Variants in URB2 observed in about 807,000 individuals in gnomAD.
URB2 encodes URB2 ribosome biogenesis homolog, also known as unhealthy ribosome biogenesis protein 2 homolog.
URB2 carries 86 observed loss-of-function variants against 120.9 expected under a neutral mutation model. The ratio of observed to expected loss-of-function variants is 0.71; its 90% CI spans 0.60 to 0.85. The LOEUF (loss-of-function observed/expected upper bound fraction) is 0.85, where lower values mean the gene tolerates loss of function less well. Ranked by LOEUF, URB2 falls within the 40% of genes least tolerant of loss-of-function variation. The pLI is 0.00. For missense variants in URB2, 1,765 were observed against 1,836.5 expected (o/e 0.96, Z 0.71); for synonymous variants, 755 against 758.4 (o/e 1.00, Z 0.07).
rs116255315 is a variant in URB2, at chr1:229,649,486, G to A, written c.4149+1734G>A. The stretch of plus-strand genomic sequence containing the variant: ...GCTTGATTCTTCTGCAAAACCATTA[G>A]CAAATGACCATTTAGTGGAATTAGA... On this transcript the variant is annotated intron_variant, in intron 7 of 9. Transcript: ENST00000258243. Among the ~76,000 whole-genome samples the A allele has an allele frequency of 3.8e-3, 575 of 152,290 alleles. 4 individuals are homozygous for A. Among genetic ancestry groups the A allele is most frequent in the African/African-American group, 0.013 (556 of 41,568 alleles).
chr1:229,626,272 A>C lies in URB2; in HGVS notation c.-98A>C, dbSNP rs999799177. The C allele has an allele frequency of 6.6e-6, 1 of 152,322 alleles. No homozygotes were observed. Among genetic ancestry groups the C allele is most frequent in the Non-Finnish European group, 1.5e-5 (1 of 68,692 alleles). 9.4% of individuals were successfully genotyped at this position (152,322 alleles called of 1,614,324 possible). A position where few individuals can be genotyped will look rare whatever the true frequency, so the allele number is the denominator to read the frequency against. ...GTACAGCGGCCTCCGCCGCACCGGG[A>C]CAGCAGCCGCCGCCGCTGCCGCCGT... On this transcript the variant is annotated 5_prime_UTR_variant, in exon 1 of 10. Transcript: ENST00000258243.
In URB2 at chr1:229,636,756, T is replaced by A; in HGVS notation, c.2143T>A (p.Leu715Met). Residue 715 changes from leucine (L) to methionine (M), a missense_variant, in exon 4 of 10, where the codon TTG becomes ATG. Coordinates refer to ENST00000258243, the MANE Select transcript of URB2 (RefSeq NM_014777.4). ...AFIIGSGRKS[L>M]NQRTTASWDG... ...TATTATTGGTTCCGGCAGAAAAAGC[T>A]TGAATCAGAGAACGACGGCTTCCTG... 1 of 1,612,530 alleles carries A rather than the reference T, an allele frequency of 6.2e-7. No homozygotes were observed. The highest frequency in any genetic ancestry group is 8.5e-7 in the Non-Finnish European group (1 of 1,178,906).
At chr1:229,627,478 C>A in intron 1 of URB2, 143 bp from the exon 2 acceptor site, 1 of 782,390 alleles carries the variant, frequency 1.3e-6, no homozygotes, top group Non-Finnish European at 1.8e-6. Context: ...TTTACCCCGA[C>A]AAATCTGTTG....
rs771749464 is a variant in URB2 at position 229,635,262 on chromosome 1, T to G, written c.649T>G (p.Trp217Gly). Residue 217 changes from tryptophan (W) to glycine (G), a missense_variant, in exon 4 of 10, where the codon TGG becomes GGG. Physicochemically the swap from Trp to Gly is radical, Grantham distance 184. Transcript: ENST00000258243. ...VLRHLLSGGTWTQAGQGQLRQ... is the reference protein window; with the variant it reads ...VLRHLLSGGTGTQAGQGQLRQ... The stretch of plus-strand genomic sequence containing the variant: ...GAGGCACTTACTCTCTGGGGGCACA[T>G]GGACGCAGGCTGGCCAGGGCCAGCT... 4.3e-6 allele frequency: 7 copies of G among 1,614,082 alleles called. No homozygotes were observed. In the African/African-American group the frequency reaches 9.3e-5, roughly 22 times the overall value.
At chr1:229,648,469 A>T (rs1389487600) in intron 7 of URB2, among the ~76,000 whole-genome samples, 2 of 152,256 alleles carry the variant, frequency 1.3e-5, no homozygotes, top group Non-Finnish European at 2.9e-5. Flanking sequence ...GGAATGAAGC[A>T]TCCTGAGTTC....
chr1:229,654,579 AACTCC>A (rs1343686661), intron 9 of URB2, among the ~76,000 whole-genome samples, 191 bp downstream of exon 9: 25 of 152,102 alleles, frequency 1.6e-4, no homozygotes, highest in African/African-American at 6.0e-4. Context: ...TACAGCCTCG[AACTCC>A]TGGGCTCAAA....
intron 3 of URB2, among the ~76,000 whole-genome samples, 153 bp downstream of exon 3, chr1:229,632,598 CTA>C (rs2102781069): frequency 6.6e-6 from 1 of 152,266 alleles, no homozygotes; most frequent in East Asian, 1.9e-4. Context: ...AAAATAGTAA[CTA>C]TTGAATGTGT....
At chr1:229,642,050 G>T (rs183950514) in intron 4 of URB2, among the ~76,000 whole-genome samples, 2 of 152,300 alleles carry the variant, frequency 1.3e-5, no homozygotes, top group Admixed American at 6.5e-5. Flanking sequence ...TTGTATGTTT[G>T]AGGCTGTATC....
At chr1:229,645,782 C>T (rs1047335440) in intron 5 of URB2, 77 bp from the exon 6 acceptor site, 61 of 1,239,466 alleles carry the variant, frequency 4.9e-5, no homozygotes, top group Non-Finnish European at 7.0e-5. Flanking sequence ...CCCCAGAGAG[C>T]AGTCTTCTTC....
In URB2 at chr1:229,659,828, G is replaced by A. The variant is rs995613600; in HGVS notation, c.*531G>A. 2.6e-5 allele frequency: 4 copies of A among 152,778 alleles called. No individual in the cohort carries two copies. The highest frequency in any genetic ancestry group is 9.7e-5 in the African/African-American group (4 of 41,440). The allele number at this position is 152,778 out of a possible 1,614,324, so 9.5% of individuals were successfully genotyped here. On this transcript the variant is annotated 3_prime_UTR_variant, in exon 10 of 10. Coordinates refer to ENST00000258243, the MANE Select transcript of URB2 (RefSeq NM_014777.4). The stretch of plus-strand genomic sequence containing the variant: ...TTAGAGTCTGTGGCCTGAGGTGTCT[G>A]CTCTGGGTGGCGATAGTGGGCACCT...
chr1:229,628,119 G>GTA (rs987421566), intron 2 of URB2, among the ~76,000 whole-genome samples: 13 of 123,932 alleles, frequency 1.0e-4, no homozygotes, highest in African/African-American at 2.6e-4. Flanking sequence ...GTATATATAT[G>GTA]TATATATACA....
chr1:229,654,223 G>T (rs748257089), intron 8 of URB2, 26 bp from the exon 9 acceptor site: 29 of 1,609,378 alleles, frequency 1.8e-5, no homozygotes, highest in Non-Finnish European at 2.5e-5. Flanking sequence ...GAACTAATTG[G>T]TTGGGAAACA....
rs1447399164 is a variant in URB2 at position 229,651,005 on chromosome 1, G to T, written c.4150-230G>T. 1.1e-5 allele frequency: 3 copies of T among 279,736 alleles called. No homozygotes were observed. The East Asian group carries it at 2.1e-4, about 19-fold the overall frequency. The allele number at this position is 279,736 out of a possible 1,614,324, so 17.3% of individuals were successfully genotyped here. ...GACCTCCTGAAGTTACGCAGTGTGGGTTCTCTACCCTAGATAGTTAAAACA... is the reference window on the plus strand; with the variant it reads ...GACCTCCTGAAGTTACGCAGTGTGGTTTCTCTACCCTAGATAGTTAAAACA... On this transcript the variant is annotated intron_variant, in intron 7 of 9. Coordinates refer to ENST00000258243, the MANE Select transcript of URB2 (RefSeq NM_014777.4).
At chr1:229,628,906 G>A (rs530115085) in intron 2 of URB2, among the ~76,000 whole-genome samples, 4 of 152,296 alleles carry the variant, frequency 2.6e-5, no homozygotes, top group Admixed American at 6.5e-5. Flanking sequence ...GGAGAGCAGC[G>A]GTCATATCCA....
At chr1:229,655,387 C>A (rs1666381386) in intron 9 of URB2, among the ~76,000 whole-genome samples, 2 of 152,160 alleles carry the variant, frequency 1.3e-5, no homozygotes, top group African/African-American at 2.4e-5. Flanking sequence ...GTGCCCACCA[C>A]CACGCCCAGT....
At chr1:229,628,080 C>A (rs1665557467) in intron 2 of URB2, among the ~76,000 whole-genome samples, 1 of 140,340 alleles carries the variant, frequency 7.1e-6, no homozygotes, top group Non-Finnish European at 1.5e-5. Context: ...GAGATCCCAT[C>A]TCTTAAAAAA....
chr1:229,643,679 A>G lies in URB2; in HGVS notation c.3781A>G (p.Lys1261Glu). ...LQGLDVSNMW[K>E]ADVQAVVSAV... ...GGGACTGGATGTCAGTAACATGTGG[A>G]AAGCAGATGTGCAGGTGGGTGCCTT... The change falls in exon 5 of 10, where the codon AAA (lysine) becomes GAA (glutamate). Residue 1261 changes from lysine to glutamate, a missense_variant. Transcript: ENST00000258243. 6.2e-7 allele frequency: 1 copy of G among 1,613,824 alleles called. No individual in the cohort carries two copies. Among genetic ancestry groups the G allele is most frequent in the South Asian group, 1.1e-5 (1 of 91,032 alleles).
intron 2 of URB2, among the ~76,000 whole-genome samples, chr1:229,628,155 A>AAT (rs1665566071): frequency 8.5e-6 from 1 of 118,118 alleles, no homozygotes; most frequent in African/African-American, 3.7e-5. Flanking sequence ...TAATATATAT[A>AAT]GTATATGTAT....
intron 2 of URB2, among the ~76,000 whole-genome samples, chr1:229,629,433 G>A (rs899210166): frequency 1.3e-5 from 2 of 152,150 alleles, no homozygotes; most frequent in African/African-American, 2.4e-5. Context: ...GATACTGCAG[G>A]TTTGGTTCCA....
Sources: gnomAD v4.1 joint callset for allele counts (sites outside exome capture counted in the v4.1 genomes callset) on GRCh38, gnomAD v4.1.1 for gene constraint, MANE v1.5 for transcripts, NCBI Gene and HGNC (gene_info 2026-07-23, HGNC 2026-07-21) for gene names.